Variants in SLC8A1 observed in about 807,000 individuals in gnomAD.
SLC8A1 encodes the protein solute carrier family 8 member A1.
A neutral mutation model predicts 68.3 loss-of-function variants in SLC8A1; 18 were observed. The ratio of observed to expected loss-of-function variants is 0.26; its 90% CI spans 0.18 to 0.39. SLC8A1 has a LOEUF of 0.39. SLC8A1 is among the 10% of genes least tolerant of loss of function. The pLI is 1.00. For synonymous variants in SLC8A1, 475 were observed against 415.5 expected (o/e 1.14, Z -1.74); for missense variants, 985 against 1,156.7 (o/e 0.85, Z 2.15).
exon 8 of SLC8A1, chr2:40,103,180 C>A (rs1183478450): frequency 2.6e-5 from 4 of 152,170 alleles, no homozygotes; most frequent in Admixed American, 2.6e-4. Context: ...AGAAAGCTTA[C>A]ATTTATTCCA....
chr2:40,480,388 A>G (rs1704553735), intron 1 of SLC8A1, among the ~76,000 whole-genome samples: 1 of 152,140 alleles, frequency 6.6e-6, no homozygotes, highest in Admixed American at 6.5e-5. Flanking sequence ...TATGAAAAAA[A>G]GTCCCAGAGA....
chr2:40,170,151 C>T, intron 4 of SLC8A1, 130 bp downstream of exon 7: 1 of 795,556 alleles, frequency 1.3e-6, no homozygotes, highest in Non-Finnish European at 2.0e-6. Flanking sequence ...CCACTGGCTG[C>T]CAGAGAAGCT....
intron 2 of SLC8A1, among the ~76,000 whole-genome samples, chr2:40,306,089 T>A (rs1274021296): frequency 1.3e-5 from 2 of 152,156 alleles, no homozygotes; most frequent in African/African-American, 4.8e-5. Context: ...CATGCTCTTA[T>A]ACAGATGCAT....
chr2:40,169,964 C>T (rs1415933966), intron 4 of SLC8A1, among the ~76,000 whole-genome samples: 1 of 152,138 alleles, frequency 6.6e-6, no homozygotes, highest in Non-Finnish European at 1.5e-5. Flanking sequence ...AAAGAAACTT[C>T]ATTACACTTG....
intron 2 of SLC8A1, among the ~76,000 whole-genome samples, chr2:40,204,542 C>T (rs1305170774): frequency 3.9e-5 from 6 of 151,916 alleles, no homozygotes; most frequent in African/African-American, 1.2e-4. Flanking sequence ...TTTACAAAGC[C>T]CAACCAGTAA....
exon 5 of SLC8A1, chr2:40,164,890 C>A: frequency 6.2e-7 from 1 of 1,613,966 alleles, no homozygotes; most frequent in Non-Finnish European, 8.5e-7. Flanking sequence ...TCACTTCCAA[C>A]TTGGTGTGCT....
intron 2 of SLC8A1, among the ~76,000 whole-genome samples, chr2:40,184,898 C>CAAAAAAAAAAAAAAAAAAGAAAA (rs2050375862): frequency 9.4e-6 from 1 of 106,528 alleles, no homozygotes; most frequent in Non-Finnish European, 1.9e-5. Context: ...TAACCAAAAA[C>CAAAAAAAAAAAAAAAAAAGAAAA]AAAAAAAAAA....
chr2:40,227,266 T>G (rs1245785001), intron 2 of SLC8A1, among the ~76,000 whole-genome samples: 1 of 152,022 alleles, frequency 6.6e-6, no homozygotes, highest in African/African-American at 2.4e-5. Flanking sequence ...GACCTATCTA[T>G]CTGTAATAGA....
At chr2:40,429,106 C>A (rs1013113222) in exon 2 of SLC8A1, 6 of 1,612,966 alleles carry the variant, frequency 3.7e-6, no homozygotes, top group African/African-American at 1.3e-5. Flanking sequence ...CTCGTGCATG[C>A]TGACAGCCTT....
chr2:40,405,523 G>A (rs1405270416), intron 2 of SLC8A1, among the ~76,000 whole-genome samples: 1 of 152,150 alleles, frequency 6.6e-6, no homozygotes, highest in Non-Finnish European at 1.5e-5. Context: ...GAATTCTTGG[G>A]AGATCCCATG....
intron 2 of SLC8A1, among the ~76,000 whole-genome samples, chr2:40,214,959 G>C (rs978883008): frequency 6.6e-6 from 1 of 152,066 alleles, no homozygotes; most frequent in Non-Finnish European, 1.5e-5. Flanking sequence ...AATTCTCATG[G>C]AGCAGTGGAC....
intron 6 of SLC8A1, among the ~76,000 whole-genome samples, chr2:40,142,610 A>G (rs934267191): frequency 5.9e-5 from 9 of 152,208 alleles, no homozygotes; most frequent in African/African-American, 2.2e-4. Flanking sequence ...GAACAAGAGA[A>G]CAAATAATGA....
At chr2:40,462,701 G>C (rs1326407817) in intron 1 of SLC8A1, among the ~76,000 whole-genome samples, 2 of 152,030 alleles carry the variant, frequency 1.3e-5, no homozygotes, top group African/African-American at 2.4e-5. Context: ...CTAGCTACTT[G>C]AGAGGCTGAG....
intron 1 of SLC8A1, among the ~76,000 whole-genome samples, chr2:40,510,048 G>A (rs553846557): frequency 6.6e-6 from 1 of 152,034 alleles, no homozygotes; most frequent in African/African-American, 2.4e-5. Context: ...GGAGGGTCTC[G>A]ATCTCTTGAC....
rs546723549 is a variant in SLC8A1 at position 40,463,706 on chromosome 2, C to A, written c.-24-33402G>T. Reference sequence around the variant, plus strand: ...ATGACCAGAATTATCCACCAGATTGCTTTTCAGATTGCTTGGTGGAATCTT... The same window carrying A: ...ATGACCAGAATTATCCACCAGATTGATTTTCAGATTGCTTGGTGGAATCTT... On this transcript the variant is annotated intron_variant, in intron 1 of 7. Coordinates refer to the SLC8A1 transcript ENST00000402441. Among the ~76,000 whole-genome samples, 7 of 152,132 alleles carry A rather than the reference C, an allele frequency of 4.6e-5. No individual in the cohort carries two copies. In the East Asian group the frequency reaches 1.4e-3, roughly 29 times the overall value.
At chr2:40,303,131 G>T (rs1175674607) in intron 2 of SLC8A1, among the ~76,000 whole-genome samples, 1 of 152,162 alleles carries the variant, frequency 6.6e-6, no homozygotes, top group Non-Finnish European at 1.5e-5. Context: ...TTGGATAAGT[G>T]ATGATTTCCA....
chr2:40,160,342 T>TAAA (rs1026129005), intron 6 of SLC8A1, among the ~76,000 whole-genome samples: 9 of 152,192 alleles, frequency 5.9e-5, no homozygotes, highest in African/African-American at 2.2e-4. Context: ...GAAGAGAGTG[T>TAAA]AAAATGATGC....
At chr2:40,311,630 A>G (rs1575295336) in intron 2 of SLC8A1, among the ~76,000 whole-genome samples, 1 of 152,146 alleles carries the variant, frequency 6.6e-6, no homozygotes, top group Non-Finnish European at 1.5e-5. Flanking sequence ...AAGGACATCC[A>G]TAAAGTATTG....
At chr2:40,356,080 T>C (rs928299841) in intron 2 of SLC8A1, among the ~76,000 whole-genome samples, 5 of 152,160 alleles carry the variant, frequency 3.3e-5, no homozygotes, top group East Asian at 1.9e-4. Context: ...GGAGCTGAGA[T>C]GCCTCTTCCT....
Sources: gnomAD v4.1 joint callset for allele counts (sites outside exome capture counted in the v4.1 genomes callset) on GRCh38, gnomAD v4.1.1 for gene constraint, MANE v1.5 for transcripts, NCBI Gene and HGNC (gene_info 2026-07-23, HGNC 2026-07-21) for gene names.